The following HIBADH variants were observed in gnomAD, a reference collection of about 807,000 sequenced individuals.
HIBADH encodes the protein 3-hydroxyisobutyrate dehydrogenase.
Under a neutral mutation model 36.1 loss-of-function variants are expected in HIBADH, and 25 were observed. The ratio of observed to expected loss-of-function variants is 0.69; its 90% CI spans 0.50 to 0.97. The LOEUF is 0.97. Ranked by LOEUF, HIBADH falls within the 50% of genes least tolerant of loss-of-function variation. The pLI is 0.00. For synonymous variants in HIBADH, 160 were observed against 149.5 expected, an observed-to-expected ratio of 1.07 and a Z score of -0.51; for missense variants, 421 against 418.0, an observed-to-expected ratio of 1.01 and a Z score of -0.06.
intron 4 of HIBADH, among the ~76,000 whole-genome samples, chr7:27,579,156 T>C (rs577875861): frequency 3.0e-4 from 45 of 152,250 alleles, no homozygotes; most frequent in Non-Finnish European, 4.6e-4. Flanking sequence ...CTGAGAAAAT[T>C]TGAATATGGG....
intron 4 of HIBADH, among the ~76,000 whole-genome samples, chr7:27,573,548 G>A (rs746523259): frequency 6.6e-6 from 1 of 152,144 alleles, no homozygotes; most frequent in South Asian, 2.1e-4. Context: ...CTAAAAACAG[G>A]AGTGGAAGAA....
Position 27,649,515 on chromosome 7 carries a change from C to T in HIBADH, c.210G>A (p.Val70=). The change falls in exon 2 of 8, where the codon GTG becomes GTA. Residue 70 remains valine (V), a synonymous_variant. Transcript: ENST00000265395. ...GAAACTCTTTGCAGGCATCAGGGAA[C>T]ACATCATAAATAATAAGTGGATAGC... ...KHGYPLIIYD[V]FPDACKEFQD... is the part of the protein sequence containing the mutation. The T allele has an allele frequency of 1.2e-6, 2 of 1,613,764 alleles. No individual in the cohort carries two copies. The highest frequency in any genetic ancestry group is 1.3e-5 in the African/African-American group (1 of 75,032).
chr7:27,539,468 AGTGT>A lies in HIBADH; in HGVS notation c.619-1055_619-1052del, dbSNP rs139346777. On this transcript the variant is annotated intron_variant, in intron 5 of 7. Coordinates refer to ENST00000265395, the MANE Select transcript of HIBADH (RefSeq NM_152740.4). ...TAAAAGCATTAAGAGGAGGAGAGAG[AGTGT>A]GTGTGTGTATTGGGAGGGGGAGGGA... 2.5e-3 allele frequency among the ~76,000 whole-genome samples: 377 copies of A among 151,648 alleles called. 5 individuals carry two copies. Among genetic ancestry groups the A allele is most frequent in the African/African-American group, 8.9e-3 (366 of 41,322 alleles).
chr7:27,629,614 T>C (rs1583608276), intron 3 of HIBADH, 122 bp from the exon 4 acceptor site: 1 of 565,020 alleles, frequency 1.8e-6, no homozygotes. Context: ...TAGTTTAGTA[T>C]TAAAAACATT....
In HIBADH at chr7:27,586,694, G is replaced by A. The variant is rs978060228; in HGVS notation, c.484+42677C>T. ...GAGGAGACAAAAAGAAAAGAGGACA[G>A]CACTCTTAGAAAAGGAGGGAAATCA... On this transcript the variant is annotated intron_variant, in intron 4 of 7. Transcript: ENST00000265395. Among the ~76,000 whole-genome samples the A allele has an allele frequency of 2.1e-5, 3 of 142,122 alleles. No homozygotes were observed. In the Admixed American group the frequency reaches 2.1e-4, roughly 10 times the overall value. The allele number at this position is 142,122 out of a possible 152,430, so 93.2% of individuals were successfully genotyped here.
chr7:27,602,627 A>C (rs1785149787), intron 4 of HIBADH, among the ~76,000 whole-genome samples: 1 of 152,174 alleles, frequency 6.6e-6, no homozygotes, highest in Non-Finnish European at 1.5e-5. Context: ...TACTATGCCA[A>C]AAGTACACTT....
intron 4 of HIBADH, among the ~76,000 whole-genome samples, chr7:27,613,056 TA>T (rs1282258974): frequency 1.4e-4 from 19 of 132,792 alleles, no homozygotes; most frequent in Admixed American, 5.9e-4. Flanking sequence ...ATATATATAA[TA>T]TAATTTATAT....
At chr7:27,543,472 C>T (rs1359329315) in intron 4 of HIBADH, among the ~76,000 whole-genome samples, 1 of 152,090 alleles carries the variant, frequency 6.6e-6, no homozygotes, top group Non-Finnish European at 1.5e-5. Flanking sequence ...AAAGTTTTAC[C>T]TGGGCCCTGA....
intron 4 of HIBADH, among the ~76,000 whole-genome samples, chr7:27,611,639 C>T (rs946130478): frequency 1.3e-5 from 2 of 152,198 alleles, no homozygotes; most frequent in African/African-American, 4.8e-5. Flanking sequence ...CTTATGAGAC[C>T]TGTGTCATGG....
At chr7:27,657,539 C>A (rs1023804163) in intron 1 of HIBADH, among the ~76,000 whole-genome samples, 1 of 152,052 alleles carries the variant, frequency 6.6e-6, no homozygotes, top group Non-Finnish European at 1.5e-5. Flanking sequence ...AAGTAGAGTG[C>A]TGATGTTACT....
intron 6 of HIBADH, among the ~76,000 whole-genome samples, chr7:27,536,343 TTAAGTA>T (rs1415051031): frequency 2.4e-4 from 36 of 152,282 alleles, no homozygotes; most frequent in African/African-American, 7.7e-4. Context: ...TTTTTAACAG[TTAAGTA>T]TAACTAGTGA....
intron 1 of HIBADH, among the ~76,000 whole-genome samples, chr7:27,660,245 T>C (rs1206924651): frequency 2.0e-5 from 3 of 152,272 alleles, no homozygotes; most frequent in African/African-American, 7.2e-5. Flanking sequence ...ATGGTTCTTT[T>C]TCTTAATGTC....
rs1301765988 is a variant in HIBADH at position 27,612,044 on chromosome 7, ACT to A, written c.484+17325_484+17326del. Among the ~76,000 whole-genome samples, 5 of 151,896 alleles carry A rather than the reference ACT, an allele frequency of 3.3e-5. No individual in the cohort carries two copies. In the East Asian group the frequency reaches 9.7e-4, roughly 29 times the overall value. On this transcript the variant is annotated intron_variant, in intron 4 of 7. Coordinates refer to ENST00000265395, the MANE Select transcript of HIBADH (RefSeq NM_152740.4). The stretch of plus-strand genomic sequence containing the variant: ...TATCACTGAAATTATTTTTATGTTA[ACT>A]CTCTCTATTCCTCTATAAGTTTCAA...
chr7:27,630,641 C>CTGTA, intron 3 of HIBADH, among the ~76,000 whole-genome samples: 1 of 152,210 alleles, frequency 6.6e-6, no homozygotes, highest in South Asian at 2.1e-4. Flanking sequence ...TGGCTTAAGG[C>CTGTA]TGTAACCCCA....
intron 2 of HIBADH, among the ~76,000 whole-genome samples, chr7:27,646,622 T>G (rs1447413567): frequency 6.7e-6 from 1 of 149,646 alleles, no homozygotes; most frequent in Non-Finnish European, 1.5e-5. Context: ...CCTCCTAGGC[T>G]CAAGTAATCC....
intron 4 of HIBADH, among the ~76,000 whole-genome samples, chr7:27,577,186 G>GA (rs1784723945): frequency 8.5e-6 from 1 of 118,294 alleles, no homozygotes; most frequent in Non-Finnish European, 1.7e-5. Flanking sequence ...TTTTTGAGAT[G>GA]GAGTTTCGCT....
At chr7:27,584,631 T>A (rs1310688292) in intron 4 of HIBADH, among the ~76,000 whole-genome samples, 1 of 152,060 alleles carries the variant, frequency 6.6e-6, no homozygotes, top group African/African-American at 2.4e-5. Flanking sequence ...AACAATCACC[T>A]AAATACTTCT....
At chr7:27,652,938 G>A (rs993009660) in intron 1 of HIBADH, among the ~76,000 whole-genome samples, 18 of 152,098 alleles carry the variant, frequency 1.2e-4, no homozygotes, top group Non-Finnish European at 2.6e-4. Flanking sequence ...AGACCAACCT[G>A]GCCAACATGG....
intron 2 of HIBADH, among the ~76,000 whole-genome samples, chr7:27,641,504 T>C (rs933694144): frequency 1.3e-5 from 2 of 152,202 alleles, no homozygotes; most frequent in Non-Finnish European, 2.9e-5. Context: ...GCAAAAAGTT[T>C]CAGAGTTTCA....
Sources: gnomAD v4.1 joint callset for allele counts (sites outside exome capture counted in the v4.1 genomes callset) on GRCh38, gnomAD v4.1.1 for gene constraint, MANE v1.5 for transcripts, NCBI Gene and HGNC (gene_info 2026-07-23, HGNC 2026-07-21) for gene names.